C4orf54: variants seen among roughly 807,000 people sequenced by gnomAD.
C4orf54 encodes the protein chromosome 4 open reading frame 54, also known as uncharacterized protein C4orf54.
Under a neutral mutation model 80.1 loss-of-function variants are expected in C4orf54, and 67 were observed. The observed-to-expected ratio is 0.84, with a 90% CI of 0.69 to 1.03. The LOEUF is 1.03. C4orf54 is among the 50% of genes least tolerant of loss of function. The pLI is 0.00. For missense variants in C4orf54, 2,434 were observed against 2,253.5 expected, an observed-to-expected ratio of 1.08 and a Z score of -1.62; for synonymous variants, 1,000 against 917.0, an observed-to-expected ratio of 1.09 and a Z score of -1.64.
In C4orf54 at chr4:99,653,868, C is replaced by G. The variant is rs1726914517; in HGVS notation, c.781G>C (p.Glu261Gln). Reference protein sequence around the residue: ...QLSRSQHSASEEGGNFSSSSS... With the variant: ...QLSRSQHSASQEGGNFSSSSS... ...GAAGATGAGAAATTGCCACCCTCTT[C>G]AGAGGCAGAGTGCTGGGATCTAGAG... Residue 261 changes from glutamate (E) to glutamine (Q), a missense_variant, in exon 2 of 3, where the codon GAA (glutamate) becomes CAA (glutamine). Physicochemically the swap from Glu to Gln is conservative, Grantham distance 29. Coordinates refer to ENST00000511828, the MANE Select transcript of C4orf54 (RefSeq NM_001354435.2). 1 of 1,536,146 alleles carries G rather than the reference C, an allele frequency of 6.5e-7. No individual in the cohort carries two copies. The highest frequency in any genetic ancestry group is 2.0e-5 in the Admixed American group (1 of 50,980).
At position 99,638,300 on chromosome 4, in the gene C4orf54, T is replaced by G. The variant is rs1253790093; in HGVS notation, c.*2933A>C. The G allele has an allele frequency of 6.6e-6, 1 of 152,192 alleles. No homozygotes were observed. Among genetic ancestry groups the G allele is most frequent in the Non-Finnish European group, 1.5e-5 (1 of 68,016 alleles). 9.4% of individuals were successfully genotyped at this position (152,192 alleles called of 1,614,324 possible). On this transcript the variant is annotated 3_prime_UTR_variant, in exon 3 of 3. Coordinates refer to ENST00000511828, the MANE Select transcript of C4orf54 (RefSeq NM_001354435.2). ...TCCTGAGGGCAACTTCATTGAGTAC[T>G]TTTTAAAAACATACATTCTGGCGAA...
In C4orf54 at chr4:99,653,648, C is replaced by A. The variant is rs1329783487; in HGVS notation, c.1001G>T (p.Gly334Val). 2 of 1,531,014 alleles carry A rather than the reference C, an allele frequency of 1.3e-6. No individual in the cohort carries two copies. Among genetic ancestry groups the A allele is most frequent in the African/African-American group, 2.7e-5 (2 of 72,916 alleles). The allele number at this position is 1,531,014 out of a possible 1,614,324, so 94.8% of individuals were successfully genotyped here. A position where few individuals can be genotyped will look rare whatever the true frequency, so the allele number is the denominator to read the frequency against. ...KISGGGGGGK[G>V]GGGGGAGDGT... is the part of the protein sequence containing the mutation. ...ATCTCCTGCCCCTCCTCCCCCTCCTCCTTTTCCTCCTCCCCCTCCTCCTGA... is the reference window on the plus strand; with the variant it reads ...ATCTCCTGCCCCTCCTCCCCCTCCTACTTTTCCTCCTCCCCCTCCTCCTGA... Residue 334 changes from glycine (G) to valine (V), a missense_variant, in exon 2 of 3, where the codon GGA (glycine) becomes GTA (valine). Physicochemically the swap from Gly to Val is moderately radical, Grantham distance 109. Transcript: ENST00000511828.
intron 2 of C4orf54, among the ~76,000 whole-genome samples, chr4:99,646,586 G>A (rs1165102243): frequency 1.3e-5 from 2 of 152,180 alleles, no homozygotes; most frequent in African/African-American, 2.4e-5. Flanking sequence ...CAGGAGTTAA[G>A]AGCTGGTTCT....
chr4:99,651,632 T>TTG lies in C4orf54; in HGVS notation c.3016_3017insCA (p.Lys1006ThrfsTer17). On this transcript the variant is annotated frameshift_variant, in exon 2 of 3. Transcript: ENST00000511828. LOFTEE classifies it high-confidence loss of function. ...AGCAGCAGGGTACTTGGTGGCCTGCTTCCTCGGCTGCTTGTCCTTGGGTGT... is the reference window on the plus strand; with the variant it reads ...AGCAGCAGGGTACTTGGTGGCCTGCTTGTCCTCGGCTGCTTGTCCTTGGGTGT... 1 of 1,536,140 alleles carries TTG rather than the reference T, an allele frequency of 6.5e-7. No individual in the cohort carries two copies. Among genetic ancestry groups the TTG allele is most frequent in the Non-Finnish European group, 8.7e-7 (1 of 1,146,914 alleles).
chr4:99,650,651 C>A lies in C4orf54; in HGVS notation c.3998G>T (p.Arg1333Leu). ...CTGCAGACGTTCTATGGGGGCCCCT[C>A]GCAGGACCACACCAGCTTTGTTTCC... ...GTGNKAGVVLRGAPIERLQRR... is the reference protein window; with the variant it reads ...GTGNKAGVVLLGAPIERLQRR... Residue 1333 changes from arginine (R) to leucine (L), a missense_variant, in exon 2 of 3, where the codon CGA becomes CTA. Coordinates refer to ENST00000511828, the MANE Select transcript of C4orf54 (RefSeq NM_001354435.2). 2 of 1,536,082 alleles carry A rather than the reference C, an allele frequency of 1.3e-6. No homozygotes were observed. The highest frequency in any genetic ancestry group is 1.7e-6 in the Non-Finnish European group (2 of 1,146,898).
In C4orf54 at chr4:99,639,672, A is replaced by C. The variant is rs995202721; in HGVS notation, c.*1561T>G. Reference sequence around the variant, plus strand: ...CAAGAGAACTTTTTTTCAGAGTAAGATCCCTTAAAGGAAGGCCCTGAAAGT... The same window carrying C: ...CAAGAGAACTTTTTTTCAGAGTAAGCTCCCTTAAAGGAAGGCCCTGAAAGT... On this transcript the variant is annotated 3_prime_UTR_variant, in exon 3 of 3. Transcript: ENST00000511828. The C allele has an allele frequency of 1.3e-5, 2 of 152,096 alleles. No homozygotes were observed. The highest frequency in any genetic ancestry group is 4.8e-5 in the African/African-American group (2 of 41,434). The allele number at this position is 152,096 out of a possible 1,614,324, so 9.4% of individuals were successfully genotyped here. A position where few individuals can be genotyped will look rare whatever the true frequency, so the allele number is the denominator to read the frequency against.
chr4:99,654,027 G>A lies in C4orf54; in HGVS notation c.622C>T (p.Pro208Ser). ...CCCAGGGTAAGTTTCATGGTCTGGG[G>A]ACTCTCCCTCTGGACTTCAGCTGAA... ...CASAEVQRESPQTMKLTLGHC... is the reference protein window; with the variant it reads ...CASAEVQRESSQTMKLTLGHC... Residue 208 changes from proline (P) to serine (S), a missense_variant, in exon 2 of 3, where the codon CCC (proline) becomes TCC (serine). Pro to Ser is a moderately conservative substitution (Grantham distance 74). Transcript: ENST00000511828. 1 of 1,536,118 alleles carries A rather than the reference G, an allele frequency of 6.5e-7. No individual in the cohort carries two copies. Among genetic ancestry groups the A allele is most frequent in the Non-Finnish European group, 8.7e-7 (1 of 1,146,900 alleles).
In C4orf54 at chr4:99,649,860, T is replaced by C. The variant is rs573069333; in HGVS notation, c.4789A>G (p.Thr1597Ala). The part of the protein sequence containing the change: ...PAPAASAPVP[T>A]DPFQQAQPQQ... Reference sequence around the variant, plus strand: ...GGCTGTGCCTGCTGGAAGGGGTCTGTGGGGACGGGAGCTGAGGCTGCAGGT... The same window carrying C: ...GGCTGTGCCTGCTGGAAGGGGTCTGCGGGGACGGGAGCTGAGGCTGCAGGT... Residue 1597 changes from threonine to alanine, a missense_variant, in exon 2 of 3, where the codon ACA becomes GCA. By Grantham distance (58) the Thr-to-Ala change is moderately conservative. Transcript: ENST00000511828. 3 of 1,532,670 alleles carry C rather than the reference T, an allele frequency of 2.0e-6. No individual in the cohort carries two copies. In the East Asian group the frequency reaches 7.4e-5, roughly 38 times the overall value. 94.9% of individuals were successfully genotyped at this position (1,532,670 alleles called of 1,614,324 possible). A position where few individuals can be genotyped will look rare whatever the true frequency, so the allele number is the denominator to read the frequency against.
rs1726602361 is a variant in C4orf54, at chr4:99,641,201, A to G, written c.*37-5T>C. ...GTCCATCTTTTTGTCTTGCTCCTAT[A>G]AAATAAAAAAATTAAGAAAAAACAT... On this transcript the variant is annotated splice_region_variant and splice_polypyrimidine_tract_variant and intron_variant, in intron 2 of 2. Coordinates refer to ENST00000511828, the MANE Select transcript of C4orf54 (RefSeq NM_001354435.2). The G allele has an allele frequency of 6.7e-6, 1 of 149,438 alleles. No individual in the cohort carries two copies. Among genetic ancestry groups the G allele is most frequent in the African/African-American group, 2.6e-5 (1 of 39,208 alleles). The allele number at this position is 149,438 out of a possible 1,614,324, so 9.3% of individuals were successfully genotyped here. A position where few individuals can be genotyped will look rare whatever the true frequency, so the allele number is the denominator to read the frequency against.
At chr4:99,644,595 G>A (rs941155913) in intron 2 of C4orf54, among the ~76,000 whole-genome samples, 2 of 152,102 alleles carry the variant, frequency 1.3e-5, no homozygotes, top group Admixed American at 6.5e-5. Context: ...CTGCAGATTA[G>A]CTACCTGGCC....
rs61130907 is a variant in C4orf54, at chr4:99,643,792, A to ACACACACACACCCC, written c.*37-2597_*37-2596insGGGGTGTGTGTGTG. 3.3e-3 allele frequency among the ~76,000 whole-genome samples: 323 copies of ACACACACACACCCC among 98,780 alleles called. 2 individuals are homozygous for ACACACACACACCCC. Among genetic ancestry groups the ACACACACACACCCC allele is most frequent in the Admixed American group, 5.2e-3 (45 of 8,612 alleles). The allele number at this position is 98,780 out of a possible 152,430, so 64.8% of individuals were successfully genotyped here. A position where few individuals can be genotyped will look rare whatever the true frequency, so the allele number is the denominator to read the frequency against. On this transcript the variant is annotated intron_variant, in intron 2 of 2. Transcript: ENST00000511828. ...CACACACACACACACACACACACAC[A>ACACACACACACCCC]CCCCCTCCGCGGCAGTAAAACGGCC...
intron 2 of C4orf54, among the ~76,000 whole-genome samples, chr4:99,646,291 A>T (rs1560635709): frequency 1.3e-5 from 2 of 152,210 alleles, no homozygotes; most frequent in African/African-American, 2.4e-5. Flanking sequence ...TGTTATCCGT[A>T]TGTGGGTTTA....
Position 99,654,035 on chromosome 4 carries a change from C to T in C4orf54, c.614G>A (p.Arg205Lys), listed in dbSNP as rs1726926810. 4 of 1,536,162 alleles carry T rather than the reference C, an allele frequency of 2.6e-6. No individual in the cohort carries two copies. The Middle Eastern group carries it at 5.0e-4, about 192-fold the overall frequency. ...AAGTTTCATGGTCTGGGGACTCTCC[C>T]TCTGGACTTCAGCTGAAGCACACAT... is the stretch of plus-strand genomic sequence containing the variant. Reference protein sequence around the residue: ...VDMCASAEVQRESPQTMKLTL... With the variant: ...VDMCASAEVQKESPQTMKLTL... Residue 205 changes from arginine (R) to lysine (K), a missense_variant, in exon 2 of 3, where the codon AGG becomes AAG. Arg to Lys is a conservative substitution (Grantham distance 26). Transcript: ENST00000511828.
rs903538543 is a variant in C4orf54, at chr4:99,649,344, G to T, written c.5305C>A (p.Gln1769Lys). 6.5e-7 allele frequency: 1 copy of T among 1,535,994 alleles called. No homozygotes were observed. Among genetic ancestry groups the T allele is most frequent in the African/African-American group, 1.4e-5 (1 of 73,042 alleles). ...GCAATGATCCGTGGCCCCAGGGGCT[G>T]CGAAGTAATGCTGATGACAGGCTTG... ...HGKPVISITSQPLGPRIIAPP... is the reference protein window; with the variant it reads ...HGKPVISITSKPLGPRIIAPP... Residue 1769 changes from glutamine (Q) to lysine (K), a missense_variant, in exon 2 of 3, where the codon CAG becomes AAG. Physicochemically the swap from Gln to Lys is moderately conservative, Grantham distance 53 (BLOSUM62 1). Coordinates refer to ENST00000511828, the MANE Select transcript of C4orf54 (RefSeq NM_001354435.2).
In C4orf54 at chr4:99,650,848, C is replaced by T. The variant is rs996133019; in HGVS notation, c.3801G>A (p.Leu1267=). 7.2e-6 allele frequency: 11 copies of T among 1,536,092 alleles called. No individual in the cohort carries two copies. The African/African-American group carries it at 1.4e-4, about 19-fold the overall frequency. Residue 1267 remains leucine, a synonymous_variant, in exon 2 of 3, where the codon CTG becomes CTA. Transcript: ENST00000511828. ...TCCACTCGTTCCTGTTGAAGCTGTACAGCTCTTCCATGGACCTCACGGCTG... is the reference window on the plus strand; with the variant it reads ...TCCACTCGTTCCTGTTGAAGCTGTATAGCTCTTCCATGGACCTCACGGCTG... ...LTAAVRSMEE[L]YSFNRNEWKR...
In C4orf54 at chr4:99,650,010, G is replaced by T. The variant is rs764366225; in HGVS notation, c.4639C>A (p.Pro1547Thr). ...DNPRETVAAP[P>T]GPQSPEHPPT... Reference sequence around the variant, plus strand: ...GGATGCTCGGGGCTCTGTGGCCCTGGGGGGGCAGCTACTGTCTCCCGGGGG... The same window carrying T: ...GGATGCTCGGGGCTCTGTGGCCCTGTGGGGGCAGCTACTGTCTCCCGGGGG... Residue 1547 changes from proline (P) to threonine (T), a missense_variant, in exon 2 of 3, where the codon CCA (proline) becomes ACA (threonine). By Grantham distance (38) the Pro-to-Thr change is conservative. Coordinates refer to ENST00000511828, the MANE Select transcript of C4orf54 (RefSeq NM_001354435.2). The T allele has an allele frequency of 6.5e-6, 10 of 1,535,314 alleles. No individual in the cohort carries two copies. Among genetic ancestry groups the T allele is most frequent in the South Asian group, 6.0e-5 (5 of 84,024 alleles).
At chr4:99,644,799 G>A (rs900594962) in intron 2 of C4orf54, among the ~76,000 whole-genome samples, 2 of 148,288 alleles carry the variant, frequency 1.3e-5, no homozygotes, top group African/African-American at 5.0e-5. Context: ...CAAGGTGGTG[G>A]AATGTTGAAC....
intron 2 of C4orf54, among the ~76,000 whole-genome samples, chr4:99,646,968 T>C (rs956029563): frequency 1.3e-5 from 2 of 152,224 alleles, no homozygotes; most frequent in Non-Finnish European, 2.9e-5. Flanking sequence ...AATTCATTAT[T>C]TCAATTTGGC....
rs989621130 is a variant in C4orf54 at position 99,651,904 on chromosome 4, G to C, written c.2745C>G (p.Thr915=). 10 of 1,535,944 alleles carry C rather than the reference G, an allele frequency of 6.5e-6. No homozygotes were observed. Among genetic ancestry groups the C allele is most frequent in the East Asian group, 2.4e-5 (1 of 40,916 alleles). Residue 915 remains threonine (T), a synonymous_variant, in exon 2 of 3, where the codon ACC becomes ACG. Coordinates refer to ENST00000511828, the MANE Select transcript of C4orf54 (RefSeq NM_001354435.2). ...TTTCACACACTTCTGTGTGTCCATC[G>C]GTGAAATTCCGGCCAGGGCCTGCGT... ...ERNAGPGRNF[T]DGHTEVCEIK...
Sources: gnomAD v4.1 joint callset for allele counts (sites outside exome capture counted in the v4.1 genomes callset) on GRCh38, gnomAD v4.1.1 for gene constraint, MANE v1.5 for transcripts, NCBI Gene and HGNC (gene_info 2026-07-23, HGNC 2026-07-21) for gene names.